The following PCDHGA5 variants were observed in gnomAD, a reference collection of about 807,000 sequenced individuals.
The protein encoded by PCDHGA5 is protocadherin gamma subfamily A, 5.
Under a neutral mutation model 56.7 loss-of-function variants are expected in PCDHGA5, and 36 were observed. That is an observed-to-expected ratio of 0.64 (90% CI 0.49 to 0.84). The LOEUF (loss-of-function observed/expected upper bound fraction) is 0.84. Ranked by LOEUF, PCDHGA5 falls within the 40% of genes least tolerant of loss-of-function variation. The pLI is 0.00. For synonymous variants in PCDHGA5, 563 were observed against 520.2 expected (o/e 1.08, Z -1.12); for missense variants, 1,305 against 1,201.5 (o/e 1.09, Z -1.27).
At position 141,485,437 on chromosome 5, in the gene PCDHGA5, C is replaced by A. The variant is rs2099613420; in HGVS notation, c.2422-9370C>A. The A allele has an allele frequency of 6.2e-7, 1 of 1,614,174 alleles. No individual in the cohort carries two copies. Among genetic ancestry groups the A allele is most frequent in the Non-Finnish European group, 8.5e-7 (1 of 1,180,028 alleles). On this transcript the variant is annotated intron_variant, in intron 1 of 3. Transcript: ENST00000518069. The surrounding 1 kb of genome is among the most constrained non-coding windows in gnomAD (Gnocchi z 5.7). ...ACAGCGGAGCCCTGCTCATCAAGAA[C>A]CCAATCGACCGAGAGGCACTGTGTG...
chr5:141,438,152 G>A (rs184819165), intron 1 of PCDHGA5, among the ~76,000 whole-genome samples: 1 of 152,250 alleles, frequency 6.6e-6, no homozygotes, highest in African/African-American at 2.4e-5. Flanking sequence ...CCAGCCTATG[G>A]CAAAGCTAAT....
At chr5:141,376,704 G>T in intron 1 of PCDHGA5, 1 of 620,824 alleles carries the variant, frequency 1.6e-6, no homozygotes. Flanking sequence ...TTTTGAGACG[G>T]AGTCTCGCTC....
intron 1 of PCDHGA5, chr5:141,433,012 G>A (rs1402902269): frequency 2.5e-6 from 4 of 1,614,054 alleles, no homozygotes; most frequent in Non-Finnish European, 3.4e-6. Flanking sequence ...CTTTCCTGCA[G>A]ACCTATTCCC....
intron 1 of PCDHGA5, among the ~76,000 whole-genome samples, chr5:141,456,887 C>T (rs112521083): frequency 0.042 from 6,384 of 152,090 alleles, 167 homozygotes; most frequent in Middle Eastern, 0.088. Flanking sequence ...CGCTTGAACC[C>T]GGGAGGCAGA....
At position 141,432,718 on chromosome 5, in the gene PCDHGA5, T is replaced by C; in HGVS notation, c.2422-62089T>C. ...CCGTCCAGGACCACGGCCAGCCCCC[T>C]CTCTCCGCCACTGTCACGCTCACCG... On this transcript the variant is annotated intron_variant, in intron 1 of 3. Coordinates refer to ENST00000518069, the MANE Select transcript of PCDHGA5 (RefSeq NM_018918.3). This position sits in a 1 kb window ranked among gnomAD's most constrained non-coding sequence, Gnocchi z 6.0. 1 of 1,613,476 alleles carries C rather than the reference T, an allele frequency of 6.2e-7. No homozygotes were observed. The highest frequency in any genetic ancestry group is 8.5e-7 in the Non-Finnish European group (1 of 1,179,862).
rs777751826 is a variant in PCDHGA5, at chr5:141,371,625, G to T, written c.2421+4874G>T. 2.4e-5 allele frequency: 38 copies of T among 1,613,874 alleles called. No homozygotes were observed. The highest frequency in any genetic ancestry group is 3.3e-5 in the Admixed American group (2 of 60,014). ...CAGGTTGGTGACAGATGGAGCCCTG[G>T]ACCGGGAGCAGATCCCAGAATACAA... On this transcript the variant is annotated intron_variant, in intron 1 of 3. Coordinates refer to ENST00000518069, the MANE Select transcript of PCDHGA5 (RefSeq NM_018918.3).
chr5:141,492,546 G>A (rs2154587552), intron 1 of PCDHGA5, among the ~76,000 whole-genome samples: 1 of 152,336 alleles, frequency 6.6e-6, no homozygotes, highest in East Asian at 1.9e-4. Flanking sequence ...GCTGGGCCGG[G>A]TCGCCTGGGG....
At chr5:141,504,696 G>T (rs2099840373) in intron 2 of PCDHGA5, among the ~76,000 whole-genome samples, 1 of 151,438 alleles carries the variant, frequency 6.6e-6, no homozygotes, top group African/African-American at 2.4e-5. Flanking sequence ...GGAGGGGCAG[G>T]TTCTTCTATG....
chr5:141,371,781 G>A (rs1443074185), intron 1 of PCDHGA5: 1 of 1,613,878 alleles, frequency 6.2e-7, no homozygotes, highest in Non-Finnish European at 8.5e-7. Context: ...GCATGTAGCT[G>A]AGAACAATCC....
intron 1 of PCDHGA5, chr5:141,377,726 A>T (rs1774299499): frequency 6.6e-6 from 1 of 152,240 alleles, no homozygotes; most frequent in Non-Finnish European, 1.5e-5. Context: ...TTGAAAAGAT[A>T]AGAATCATTG....
intron 1 of PCDHGA5, chr5:141,441,799 G>C (rs546770596): frequency 2.6e-6 from 1 of 385,350 alleles, no homozygotes; most frequent in Non-Finnish European, 5.2e-6. Context: ...AACGCACCGC[G>C]GGTGCTGTAC....
intron 1 of PCDHGA5, chr5:141,403,792 A>G: frequency 1.2e-6 from 2 of 1,613,922 alleles, no homozygotes; most frequent in African/African-American, 1.3e-5. Context: ...TGGCATACAA[A>G]TTCTGGAAAA....
chr5:141,462,354 C>T (rs1157515386), intron 1 of PCDHGA5, among the ~76,000 whole-genome samples: 1 of 152,162 alleles, frequency 6.6e-6, no homozygotes, highest in Non-Finnish European at 1.5e-5. Flanking sequence ...CAAAAATATA[C>T]ATTGTATAGT....
Position 141,486,567 on chromosome 5 carries a change from C to T in PCDHGA5, c.2422-8240C>T, listed in dbSNP as rs1562113360. On this transcript the variant is annotated intron_variant, in intron 1 of 3. Transcript: ENST00000518069. The surrounding 1 kb of genome is among the most constrained non-coding windows in gnomAD (Gnocchi z 5.0). ...CAGAGGTCACATGAGGTGTTTGTTCCTGAGAACAATCGCCCAGGGGACCTG... is the reference window on the plus strand; with the variant it reads ...CAGAGGTCACATGAGGTGTTTGTTCTTGAGAACAATCGCCCAGGGGACCTG... The T allele has an allele frequency of 6.2e-7, 1 of 1,613,918 alleles. No homozygotes were observed. The highest frequency in any genetic ancestry group is 8.5e-7 in the Non-Finnish European group (1 of 1,179,986).
At chr5:141,414,342 C>A in intron 1 of PCDHGA5, 2 of 1,613,810 alleles carry the variant, frequency 1.2e-6, no homozygotes, top group East Asian at 2.2e-5. Flanking sequence ...TAACCTGTTC[C>A]ATTTTGGCGT....
chr5:141,383,872 C>T, intron 1 of PCDHGA5: 1 of 1,613,908 alleles, frequency 6.2e-7, no homozygotes, highest in Non-Finnish European at 8.5e-7. Flanking sequence ...TCAAGATGGT[C>T]CTGGTAGTCT....
chr5:141,439,354 C>G (rs746525653), intron 1 of PCDHGA5, among the ~76,000 whole-genome samples: 7 of 152,186 alleles, frequency 4.6e-5, no homozygotes, highest in Admixed American at 4.6e-4. Context: ...TACAAATACT[C>G]AAACATCAAG....
Position 141,432,195 on chromosome 5 carries a change from C to A in PCDHGA5, c.2422-62612C>A, listed in dbSNP as rs1334965321. ...CTCGTCTCTGTGACCGCCCACGACC[C>A]CGACTGTGAAGAGAACGCCCAGATC... On this transcript the variant is annotated intron_variant, in intron 1 of 3. Transcript: ENST00000518069. This position sits in a 1 kb window ranked among gnomAD's most constrained non-coding sequence, Gnocchi z 6.0. 22 of 1,614,088 alleles carry A rather than the reference C, an allele frequency of 1.4e-5. No homozygotes were observed. The highest frequency in any genetic ancestry group is 1.9e-5 in the Non-Finnish European group (22 of 1,180,058).
At chr5:141,492,009 G>C in intron 1 of PCDHGA5, 1 of 617,702 alleles carries the variant, frequency 1.6e-6, no homozygotes, top group Non-Finnish European at 2.7e-6. Flanking sequence ...GATTTCCGCG[G>C]GTGTCGGGGG....
Sources: allele counts gnomAD v4.1 joint callset (sites outside exome capture counted in the v4.1 genomes callset), GRCh38; gene constraint gnomAD v4.1.1; non-coding constraint Gnocchi (gnomAD v3.1); transcripts MANE v1.5; gene names NCBI Gene and HGNC (gene_info 2026-07-23, HGNC 2026-07-21).